The following APOLD1 variants were observed in gnomAD, a reference collection of about 807,000 sequenced individuals.
The protein encoded by APOLD1 is apolipoprotein L domain containing 1, also known as apolipoprotein L domain-containing protein 1.
In APOLD1, 22 loss-of-function variants were observed where a neutral mutation model predicts 15.3. The observed-to-expected ratio is 1.44, with a 90% CI of 1.03 to 2.05. The LOEUF is 2.05. Among genes scored for constraint, APOLD1 ranks in the 30% most tolerant of loss-of-function variants. APOLD1 has a pLI of 0.00. For synonymous variants in APOLD1, 190 were observed against 167.4 expected (o/e 1.13, Z -1.04); for missense variants, 394 against 353.5 (o/e 1.11, Z -0.92).
chr12:12,747,268 G>A (rs1946773256), intron 1 of APOLD1, among the ~76,000 whole-genome samples: 1 of 152,108 alleles, frequency 6.6e-6, no homozygotes, highest in Non-Finnish European at 1.5e-5. Flanking sequence ...GAACTACCGT[G>A]TCTAGCCCAC....
chr12:12,777,167 G>A (rs1031422286), intron 1 of APOLD1, among the ~76,000 whole-genome samples: 2 of 152,136 alleles, frequency 1.3e-5, no homozygotes, highest in African/African-American at 4.8e-5. Context: ...ATGTGGGTGG[G>A]AAGGTCAAGT....
chr12:12,776,935 G>A (rs1308524974), intron 1 of APOLD1, among the ~76,000 whole-genome samples: 1 of 152,016 alleles, frequency 6.6e-6, no homozygotes, highest in African/African-American at 2.4e-5. Flanking sequence ...ATAGAAAAGT[G>A]TATTTTTTAA....
chr12:12,768,466 C>T (rs1329566826), intron 1 of APOLD1, among the ~76,000 whole-genome samples: 3 of 151,798 alleles, frequency 2.0e-5, no homozygotes, highest in African/African-American at 7.3e-5. Context: ...GTCCCAATCT[C>T]TACAGAAAAT....
At chr12:12,738,414 C>T (rs1157302204) in intron 1 of APOLD1, among the ~76,000 whole-genome samples, 1 of 152,016 alleles carries the variant, frequency 6.6e-6, no homozygotes, top group Non-Finnish European at 1.5e-5. Flanking sequence ...CTATGTTGCC[C>T]TGGCTGGTCT....
chr12:12,786,968 G>T lies in APOLD1; in HGVS notation c.63G>T (p.Gln21His). ...GGCCCGACGCGCTGCGGCGCTTCCA[G>T]GGACTGCTGCTGGACCGCCGAGGCC... ...PHGPDALRRF[Q>H]GLLLDRRGRL... Residue 21 changes from glutamine to histidine, a missense_variant, in exon 2 of 2, where the codon CAG (glutamine) becomes CAT (histidine). By Grantham distance (24) the Gln-to-His change is conservative. Transcript: ENST00000356591. The T allele has an allele frequency of 2.1e-6, 3 of 1,458,934 alleles. No individual in the cohort carries two copies. The allele number at this position is 1,458,934 out of a possible 1,614,324, so 90.4% of individuals were successfully genotyped here.
intron 1 of APOLD1, among the ~76,000 whole-genome samples, chr12:12,765,814 G>C (rs1172696600): frequency 2.0e-5 from 3 of 152,194 alleles, no homozygotes; most frequent in African/African-American, 4.8e-5. Context: ...AGGCTGCAGT[G>C]AGCCACGAGT....
intron 1 of APOLD1, among the ~76,000 whole-genome samples, chr12:12,762,894 C>A (rs1946912349): frequency 1.3e-5 from 2 of 151,980 alleles, no homozygotes; most frequent in African/African-American, 4.8e-5. Context: ...ACCTGTAACC[C>A]CAGCACTTTG....
chr12:12,782,838 A>T (rs1947093068), upstream of APOLD1, among the ~76,000 whole-genome samples: 1 of 152,180 alleles, frequency 6.6e-6, no homozygotes, highest in African/African-American at 2.4e-5. Flanking sequence ...GTGGAAACTG[A>T]CCACACAGAA....
intron 1 of APOLD1, among the ~76,000 whole-genome samples, chr12:12,768,385 C>G (rs1490769588): frequency 1.3e-5 from 2 of 152,020 alleles, no homozygotes; most frequent in African/African-American, 4.8e-5. Context: ...GTAATCCCAG[C>G]ACTTTGGGAG....
upstream of APOLD1, among the ~76,000 whole-genome samples, chr12:12,781,585 T>C (rs1453068713): frequency 6.7e-6 from 1 of 149,566 alleles, no homozygotes; most frequent in Non-Finnish European, 1.5e-5. Flanking sequence ...TGGAGTGCAG[T>C]GGCATGATCT....
rs1946731611 is a variant in APOLD1, at chr12:12,741,956, TC to T, written c.96+15861del. Among the ~76,000 whole-genome samples, 3 of 152,326 alleles carry T rather than the reference TC, an allele frequency of 2.0e-5. No individual in the cohort carries two copies. In the South Asian group the frequency reaches 6.2e-4, roughly 32 times the overall value. ...CTCAACAGGAAGAAGGCCAGCAGGC[TC>T]AGTGTGACACTCGATCCTAAATTAT... On this transcript the variant is annotated intron_variant, in intron 1 of 1. Transcript: ENST00000326765.
intron 1 of APOLD1, among the ~76,000 whole-genome samples, chr12:12,758,110 T>C (rs1250435924): frequency 6.7e-6 from 1 of 148,232 alleles, no homozygotes; most frequent in African/African-American, 2.5e-5. Context: ...CTTTTTTTTT[T>C]TAATTTTAGT....
intron 1 of APOLD1, among the ~76,000 whole-genome samples, chr12:12,746,510 A>AATAAATAAATAAATAAATAATAC (rs57489224): frequency 6.7e-6 from 1 of 149,838 alleles, no homozygotes; most frequent in African/African-American, 2.5e-5. Context: ...TAAATAAATA[A>AATAAATAAATAAATAAATAATAC]ATAAATACAT....
intron 1 of APOLD1, among the ~76,000 whole-genome samples, chr12:12,776,003 C>CAAAAAAAAAAAAAAAAA (rs34623976): frequency 1.3e-4 from 8 of 62,202 alleles, no homozygotes; most frequent in Admixed American, 2.5e-4. Context: ...GACCCAGTCT[C>CAAAAAAAAAAAAAAAAA]AAAAAAAAAA....
In APOLD1 at chr12:12,787,299, C is replaced by A. The variant is rs766743645; in HGVS notation, c.394C>A (p.Arg132=). Residue 132 remains arginine (R), a synonymous_variant, in exon 2 of 2, where the codon CGA becomes AGA. Coordinates refer to ENST00000356591, the MANE Select transcript of APOLD1 (RefSeq NM_030817.3). The surrounding 1 kb of genome is among the most constrained non-coding windows in gnomAD (Gnocchi z 4.9). ...EIAATCQDQM[R]EILSCLEFFC... ...CGCGGCCACCTGCCAGGACCAGATG[C>A]GAGAGATCCTGAGCTGCCTCGAGTT... is the stretch of plus-strand genomic sequence containing the variant. The A allele has an allele frequency of 6.2e-7, 1 of 1,610,604 alleles. No homozygotes were observed. The highest frequency in any genetic ancestry group is 2.2e-5 in the East Asian group (1 of 44,852).
At chr12:12,733,448 A>G (rs1565425381) in intron 1 of APOLD1, among the ~76,000 whole-genome samples, 1 of 152,240 alleles carries the variant, frequency 6.6e-6, no homozygotes, top group Non-Finnish European at 1.5e-5. Flanking sequence ...TCACATGTAT[A>G]TAGGCATACA....
upstream of APOLD1, among the ~76,000 whole-genome samples, chr12:12,782,550 T>TTTTG (rs1227825315): frequency 2.0e-5 from 3 of 152,166 alleles, no homozygotes; most frequent in Admixed American, 6.5e-5. Flanking sequence ...AACTTGTCTC[T>TTTTG]ACAAAAAGTC....
At chr12:12,744,040 G>A (rs1946746023) in intron 1 of APOLD1, among the ~76,000 whole-genome samples, 1 of 152,218 alleles carries the variant, frequency 6.6e-6, no homozygotes. Context: ...TGATGGCTGG[G>A]CGTGGTGGCT....
At chr12:12,750,866 C>T (rs1946808023) in intron 1 of APOLD1, among the ~76,000 whole-genome samples, 1 of 151,994 alleles carries the variant, frequency 6.6e-6, no homozygotes, top group African/African-American at 2.4e-5. Context: ...CCTTGACCTC[C>T]TGGGCTGAAG....
Sources: allele counts gnomAD v4.1 joint callset (sites outside exome capture counted in the v4.1 genomes callset), GRCh38; gene constraint gnomAD v4.1.1; non-coding constraint Gnocchi (gnomAD v3.1); transcripts MANE v1.5; gene names NCBI Gene and HGNC (gene_info 2026-07-23, HGNC 2026-07-21).